The following LRRTM4 variants were observed in gnomAD, a reference collection of about 807,000 sequenced individuals.
LRRTM4 encodes leucine-rich repeat transmembrane neuronal protein 4.
Under a neutral mutation model 47.6 loss-of-function variants are expected in LRRTM4, and 25 were observed. The ratio of observed to expected loss-of-function variants is 0.53; its 90% CI spans 0.38 to 0.73. The LOEUF (loss-of-function observed/expected upper bound fraction) is 0.73. Among genes scored for constraint, LRRTM4 ranks in the 30% least tolerant of loss-of-function variants. LRRTM4 has a pLI of 0.00. For synonymous variants in LRRTM4, 311 were observed against 269.5 expected (o/e 1.15, Z -1.51); for missense variants, 638 against 713.4 (o/e 0.89, Z 1.20).
chr2:77,512,865 C>T (rs373496602), intron 3 of LRRTM4, among the ~76,000 whole-genome samples: 8 of 152,126 alleles, frequency 5.3e-5, no homozygotes, highest in South Asian at 2.1e-4. Context: ...AAACCTTGTC[C>T]GTGAGATGCT....
intron 3 of LRRTM4, among the ~76,000 whole-genome samples, chr2:77,247,430 C>T (rs1377695004): frequency 6.6e-6 from 1 of 151,966 alleles, no homozygotes; most frequent in Non-Finnish European, 1.5e-5. Flanking sequence ...CGTGAAAAAA[C>T]CGTCTGTCTA....
At chr2:76,876,848 T>C (rs1343005763) in intron 3 of LRRTM4, among the ~76,000 whole-genome samples, 1 of 152,038 alleles carries the variant, frequency 6.6e-6, no homozygotes, top group Non-Finnish European at 1.5e-5. Flanking sequence ...CTCTGTACCT[T>C]GGTAAACATT....
chr2:77,511,519 G>A (rs1678991244), intron 3 of LRRTM4, among the ~76,000 whole-genome samples: 2 of 151,356 alleles, frequency 1.3e-5, no homozygotes, highest in South Asian at 4.2e-4. Context: ...TTATATATTT[G>A]CTTATTTATT....
chr2:76,927,739 T>C (rs1674633145), intron 3 of LRRTM4, among the ~76,000 whole-genome samples: 1 of 152,134 alleles, frequency 6.6e-6, no homozygotes, highest in East Asian at 1.9e-4. Context: ...CAACCTGATG[T>C]TTGATATTCT....
chr2:76,858,980 A>T (rs962137567), intron 3 of LRRTM4, among the ~76,000 whole-genome samples: 1 of 152,128 alleles, frequency 6.6e-6, no homozygotes, highest in African/African-American at 2.4e-5. Context: ...GCAGTGGGCC[A>T]TTTGCAGCTT....
chr2:77,139,941 A>G (rs565966661), intron 3 of LRRTM4, among the ~76,000 whole-genome samples: 2 of 152,344 alleles, frequency 1.3e-5, no homozygotes, highest in South Asian at 4.1e-4. Context: ...CTCTTCAAGG[A>G]GAACTACAAA....
At chr2:76,812,504 C>A (rs1390186832) in intron 3 of LRRTM4, among the ~76,000 whole-genome samples, 1 of 152,028 alleles carries the variant, frequency 6.6e-6, no homozygotes, top group Non-Finnish European at 1.5e-5. Context: ...TTTAAATTGA[C>A]TGGGAATACT....
At chr2:76,885,623 G>T (rs1339832726) in intron 3 of LRRTM4, among the ~76,000 whole-genome samples, 1 of 151,820 alleles carries the variant, frequency 6.6e-6, no homozygotes, top group African/African-American at 2.4e-5. Flanking sequence ...CCGCCACCAC[G>T]TCCGGCTAAT....
At chr2:77,172,810 G>GT (rs1199647706) in intron 3 of LRRTM4, among the ~76,000 whole-genome samples, 1 of 152,044 alleles carries the variant, frequency 6.6e-6, no homozygotes, top group Non-Finnish European at 1.5e-5. Context: ...CCCCTGTGAT[G>GT]TATCACTGAG....
At position 76,885,064 on chromosome 2, in the gene LRRTM4, A is replaced by C. The variant is rs146081178; in HGVS notation, c.1552-136148T>G. On this transcript the variant is annotated intron_variant, in intron 3 of 3. Coordinates refer to ENST00000409884, the MANE Select transcript of LRRTM4 (RefSeq NM_001134745.3). ...AAAATACTTATAATAAATATTCCAAAATGTTAGTAGTGCTTCTGCTTGGGT... is the reference window on the plus strand; with the variant it reads ...AAAATACTTATAATAAATATTCCAACATGTTAGTAGTGCTTCTGCTTGGGT... Among the ~76,000 whole-genome samples the C allele has an allele frequency of 2.8e-3, 421 of 152,056 alleles. 3 individuals carry two copies. The highest frequency in any genetic ancestry group is 9.6e-3 in the African/African-American group (398 of 41,524).
At chr2:77,515,421 T>C (rs748724618) in intron 3 of LRRTM4, among the ~76,000 whole-genome samples, 3 of 151,698 alleles carry the variant, frequency 2.0e-5, no homozygotes, top group Non-Finnish European at 3.0e-5. Flanking sequence ...ACAAGCAAAA[T>C]GGATATTGTA....
intron 3 of LRRTM4, among the ~76,000 whole-genome samples, chr2:77,477,887 GAAAGAA>G (rs1236051116): frequency 1.5e-4 from 15 of 96,930 alleles, no homozygotes; most frequent in African/African-American, 5.8e-4. Flanking sequence ...GAAAGAGAAA[GAAAGAA>G]AAAGAAAGAA....
intron 3 of LRRTM4, among the ~76,000 whole-genome samples, chr2:76,895,962 G>A (rs1441427889): frequency 6.6e-6 from 1 of 152,020 alleles, no homozygotes; most frequent in Non-Finnish European, 1.5e-5. Context: ...CAGGTTTACA[G>A]GGTGAATAAA....
intron 3 of LRRTM4, among the ~76,000 whole-genome samples, chr2:77,286,937 A>G (rs1305550206): frequency 1.3e-5 from 2 of 152,112 alleles, no homozygotes; most frequent in African/African-American, 2.4e-5. Flanking sequence ...ATCACATAAT[A>G]AATTATGCTT....
At chr2:77,137,071 A>G (rs1416448241) in intron 3 of LRRTM4, among the ~76,000 whole-genome samples, 1 of 151,868 alleles carries the variant, frequency 6.6e-6, no homozygotes, top group African/African-American at 2.4e-5. Flanking sequence ...TATCCAGGAG[A>G]ACTTCCCCAA....
intron 3 of LRRTM4, among the ~76,000 whole-genome samples, chr2:77,410,471 A>C (rs2103857657): frequency 6.6e-6 from 1 of 152,308 alleles, no homozygotes; most frequent in African/African-American, 2.4e-5. Flanking sequence ...AGGATGTAAC[A>C]CCATAGGAAG....
intron 3 of LRRTM4, among the ~76,000 whole-genome samples, chr2:76,819,747 C>T (rs1312069346): frequency 6.6e-6 from 1 of 151,942 alleles, no homozygotes; most frequent in Non-Finnish European, 1.5e-5. Context: ...ATAGATAATG[C>T]CACAGGGAAT....
intron 3 of LRRTM4, among the ~76,000 whole-genome samples, chr2:77,453,241 G>C (rs1287290862): frequency 6.8e-6 from 1 of 147,014 alleles, no homozygotes; most frequent in Non-Finnish European, 1.5e-5. Flanking sequence ...GAGTGCAGTG[G>C]AGCGATCTCT....
At chr2:76,788,588 AG>A (rs1476775887) in intron 3 of LRRTM4, among the ~76,000 whole-genome samples, 1 of 152,238 alleles carries the variant, frequency 6.6e-6, no homozygotes, top group Non-Finnish European at 1.5e-5. Flanking sequence ...AATAAGTGCA[AG>A]GAAGTTTATA....
Sources: gnomAD v4.1 joint callset for allele counts (sites outside exome capture counted in the v4.1 genomes callset) on GRCh38, gnomAD v4.1.1 for gene constraint, MANE v1.5 for transcripts, NCBI Gene and HGNC (gene_info 2026-07-23, HGNC 2026-07-21) for gene names.